CELA2A: variants seen among roughly 807,000 people sequenced by gnomAD.
The protein encoded by CELA2A is chymotrypsin like elastase 2A.
CELA2A carries 31 observed loss-of-function variants against 35.3 expected under a neutral mutation model. The observed-to-expected ratio is 0.88, with a 90% CI of 0.66 to 1.19. The LOEUF is 1.19. Among genes scored for constraint, CELA2A ranks in the 50% most tolerant of loss-of-function variants. The probability of loss-of-function intolerance (pLI) is 0.00; values close to 1 mark genes in which losing one functional copy is unlikely to be tolerated. For synonymous variants in CELA2A, 150 were observed against 149.8 expected (o/e 1.00, Z -0.01); for missense variants, 330 against 352.9 (o/e 0.94, Z 0.52).
rs753579535 is a variant in CELA2A at position 15,466,021 on chromosome 1, C to A, written c.516C>A (p.Val172=). Residue 172 remains valine (V), a synonymous_variant, in exon 6 of 8, where the codon GTC becomes GTA. Coordinates refer to ENST00000359621, the MANE Select transcript of CELA2A (RefSeq NM_033440.3). ...CAGCCAACGGGGCTGTTCCTGATGT[C>A]CTGCAGCAGGGCCGGTTGCTGGTTG... ...RLQTNGAVPD[V]LQQGRLLVVD... 6.2e-7 allele frequency: 1 copy of A among 1,614,136 alleles called. No homozygotes were observed. The highest frequency in any genetic ancestry group is 8.5e-7 in the Non-Finnish European group (1 of 1,180,026).
intron 2 of CELA2A, 102 bp from the exon 3 acceptor site, chr1:15,461,459 A>G (rs1231140340): frequency 7.2e-6 from 9 of 1,255,952 alleles, no homozygotes; most frequent in Non-Finnish European, 1.0e-5. Context: ...CGACTGCCTC[A>G]CTCCCCCTTA....
chr1:15,456,752 C>T lies in CELA2A; in HGVS notation c.-2C>T, dbSNP rs1281606979. ...CGCTTACAGAACTCCCACGGACACA[C>T]CATGATAAGGACGCTGCTGCTGTCC... On this transcript the variant is annotated 5_prime_UTR_variant, in exon 1 of 8. Transcript: ENST00000359621. 1.2e-6 allele frequency: 2 copies of T among 1,614,060 alleles called. No homozygotes were observed. The highest frequency in any genetic ancestry group is 1.3e-5 in the African/African-American group (1 of 74,926).
At chr1:15,465,155 G>A (rs1297664931) in intron 5 of CELA2A, among the ~76,000 whole-genome samples, 1 of 151,816 alleles carries the variant, frequency 6.6e-6, no homozygotes, top group African/African-American at 2.4e-5. Flanking sequence ...GGCATTATAG[G>A]CGAGTGCCAC....
chr1:15,463,949 G>A (rs994013168), intron 5 of CELA2A, among the ~76,000 whole-genome samples: 2 of 151,906 alleles, frequency 1.3e-5, no homozygotes, highest in African/African-American at 4.8e-5. Flanking sequence ...CTACTCAGGA[G>A]GCTGAGGCAC....
In CELA2A at chr1:15,461,642, G is replaced by A. The variant is rs747823974; in HGVS notation, c.211G>A (p.Ala71Thr). 1.2e-6 allele frequency: 2 copies of A among 1,613,616 alleles called. No individual in the cohort carries two copies. The highest frequency in any genetic ancestry group is 2.2e-5 in the South Asian group (2 of 91,066). ...GATAGCCAACAGCTGGGTCCTGACG[G>A]CTGCCCACTGCATCAGGTAACTGCC... ...SLIANSWVLT[A>T]AHCISSSRTY... The change falls in exon 3 of 8, where the codon GCT (alanine) becomes ACT (threonine). Residue 71 changes from alanine to threonine, a missense_variant. Physicochemically the swap from Ala to Thr is moderately conservative, Grantham distance 58 (BLOSUM62 0). Transcript: ENST00000359621.
intron 2 of CELA2A, among the ~76,000 whole-genome samples, chr1:15,458,397 A>G (rs1708389603): frequency 6.6e-6 from 1 of 152,068 alleles, no homozygotes; most frequent in Admixed American, 6.6e-5. Context: ...CTCTTTCTGA[A>G]CTCATATTTC....
chr1:15,469,927 G>A (rs975029643), intron 7 of CELA2A, among the ~76,000 whole-genome samples: 2 of 152,088 alleles, frequency 1.3e-5, no homozygotes, highest in African/African-American at 4.8e-5. Context: ...CTGAAGCAGG[G>A]GCAGGGGCAA....
intron 2 of CELA2A, among the ~76,000 whole-genome samples, chr1:15,460,760 C>A (rs1450886712): frequency 6.6e-6 from 1 of 151,572 alleles, no homozygotes; most frequent in Non-Finnish European, 1.5e-5. Context: ...GGTTCACAAA[C>A]TCCTGGGTTC....
intron 2 of CELA2A, among the ~76,000 whole-genome samples, chr1:15,458,184 A>G (rs1438431379): frequency 6.6e-6 from 1 of 152,192 alleles, no homozygotes; most frequent in Non-Finnish European, 1.5e-5. Context: ...TTTTTCATAT[A>G]AGCCATGCCC....
intron 2 of CELA2A, among the ~76,000 whole-genome samples, chr1:15,458,932 A>T (rs1570794786): frequency 1.7e-5 from 1 of 58,774 alleles, no homozygotes; most frequent in Non-Finnish European, 5.5e-5. Context: ...AAAAAAAAAA[A>T]AAAAAAAAAA....
At chr1:15,464,556 T>A (rs1417833011) in intron 5 of CELA2A, among the ~76,000 whole-genome samples, 1 of 152,202 alleles carries the variant, frequency 6.6e-6, no homozygotes, top group Non-Finnish European at 1.5e-5. Flanking sequence ...CATAAACCCA[T>A]AAGTATAATG....
In CELA2A at chr1:15,461,754, G is replaced by A. The variant is rs149138464; in HGVS notation, c.227+96G>A. ...GGCCTGAACCATGCTACATAAAGCA[G>A]CCTTGCAAATAACCACTATACTGGC... On this transcript the variant is annotated intron_variant, in intron 3 of 7. Transcript: ENST00000359621. 8.5e-4 allele frequency: 1,222 copies of A among 1,432,166 alleles called. 13 individuals are homozygous for A. The African/African-American group carries it at 0.016, about 18-fold the overall frequency. 88.7% of individuals were successfully genotyped at this position (1,432,166 alleles called of 1,614,324 possible). A position where few individuals can be genotyped will look rare whatever the true frequency, so the allele number is the denominator to read the frequency against.
chr1:15,471,769 G>A (rs1161078778), intron 7 of CELA2A, among the ~76,000 whole-genome samples: 2 of 152,214 alleles, frequency 1.3e-5, no homozygotes, highest in East Asian at 3.9e-4. Flanking sequence ...AGGACTCCTG[G>A]CTAAGACCCC....
chr1:15,461,811 AGT>A (rs1708439307), intron 3 of CELA2A, 153 bp downstream of exon 3: 2 of 875,574 alleles, frequency 2.3e-6, no homozygotes, highest in South Asian at 1.4e-5. Flanking sequence ...TCAATGGTTC[AGT>A]GTGTTGGCCC....
rs1708538997 is a variant in CELA2A at position 15,467,638 on chromosome 1, T to G, written c.792+100T>G. 3.5e-6 allele frequency: 5 copies of G among 1,443,972 alleles called. No homozygotes were observed. The South Asian group carries it at 6.4e-5, about 18-fold the overall frequency. 89.4% of individuals were successfully genotyped at this position (1,443,972 alleles called of 1,614,324 possible). A position where few individuals can be genotyped will look rare whatever the true frequency, so the allele number is the denominator to read the frequency against. On this transcript the variant is annotated intron_variant, in intron 7 of 7. Transcript: ENST00000359621. Reference sequence around the variant, plus strand: ...GTGACTGAGAATCCCCTCCTTCCTCTTGAGAGCTAGATGGGAACCCCTTGG... The same window carrying G: ...GTGACTGAGAATCCCCTCCTTCCTCGTGAGAGCTAGATGGGAACCCCTTGG...
At chr1:15,471,439 C>T (rs1169903821) in intron 7 of CELA2A, among the ~76,000 whole-genome samples, 2 of 151,914 alleles carry the variant, frequency 1.3e-5, no homozygotes, top group African/African-American at 4.8e-5. Context: ...TCTCAGCTAC[C>T]CGGGAGGCTG....
intron 4 of CELA2A, 83 bp from the exon 5 acceptor site, chr1:15,463,303 T>C: frequency 5.0e-6 from 8 of 1,595,514 alleles, no homozygotes; most frequent in Non-Finnish European, 6.8e-6. Flanking sequence ...ACAGGGAAGA[T>C]GACAAGGTCT....
In CELA2A at chr1:15,461,618, AT is replaced by A; in HGVS notation, c.188del (p.Ile63LysfsTer7). ...GTACCACACCTGCGGAGGGTCCCTG[AT>A]AGCCAACAGCTGGGTCCTGACGGCT... The part of the protein sequence containing the change: ...KWYHTCGGSL[I>X]ANSWVLTAAH... On this transcript the variant is annotated frameshift_variant, in exon 3 of 8. Transcript: ENST00000359621. LOFTEE classifies it high-confidence loss of function. 1 of 1,613,198 alleles carries A rather than the reference AT, an allele frequency of 6.2e-7. No homozygotes were observed. Among genetic ancestry groups the A allele is most frequent in the Non-Finnish European group, 8.5e-7 (1 of 1,180,016 alleles).
rs12411040 is a variant in CELA2A, at chr1:15,457,150, G to C, written c.105G>C (p.Ala35=). The change falls in exon 2 of 8, where the codon GCG becomes GCC. Residue 35 remains alanine (A), a synonymous_variant. Coordinates refer to ENST00000359621, the MANE Select transcript of CELA2A (RefSeq NM_033440.3). ...CTAGGGTGGTTGGCGGTGAAGAAGC[G>C]AGGCCCAACAGCTGGCCCTGGCAGG... is the stretch of plus-strand genomic sequence containing the variant. The part of the protein sequence containing the change: ...YVTRVVGGEE[A]RPNSWPWQVS... 3 of 1,614,148 alleles carry C rather than the reference G, an allele frequency of 1.9e-6. No homozygotes were observed. The highest frequency in any genetic ancestry group is 2.5e-6 in the Non-Finnish European group (3 of 1,180,028).
Sources: gnomAD v4.1 joint callset for allele counts (sites outside exome capture counted in the v4.1 genomes callset) on GRCh38, gnomAD v4.1.1 for gene constraint, MANE v1.5 for transcripts, NCBI Gene and HGNC (gene_info 2026-07-23, HGNC 2026-07-21) for gene names.